TUBB1: variants seen among roughly 807,000 people sequenced by gnomAD.
TUBB1 encodes tubulin beta-1 chain.
TUBB1 carries 28 observed loss-of-function variants against 22.6 expected under a neutral mutation model. The ratio of observed to expected loss-of-function variants is 1.24; its 90% CI spans 0.92 to 1.70. The LOEUF (loss-of-function observed/expected upper bound fraction) is 1.70, where lower values mean the gene tolerates loss of function less well. Ranked by LOEUF, TUBB1 falls within the 40% of genes most tolerant of loss-of-function variation. The probability of loss-of-function intolerance (pLI) is 0.00; values close to 1 mark genes in which losing one functional copy is unlikely to be tolerated. For missense variants in TUBB1, 577 were observed against 605.5 expected, an observed-to-expected ratio of 0.95 and a Z score of 0.49; for synonymous variants, 226 against 238.0, an observed-to-expected ratio of 0.95 and a Z score of 0.46.
Position 59,025,738 on chromosome 20 carries a change from A to G in TUBB1, c.*955A>G, listed in dbSNP as rs2091991096. Reference sequence around the variant, plus strand: ...GCAGGAATTAAGCAGCAATGGCTGCAGTGTCCTTCTCAGTTATGGAGGACA... The same window carrying G: ...GCAGGAATTAAGCAGCAATGGCTGCGGTGTCCTTCTCAGTTATGGAGGACA... On this transcript the variant is annotated 3_prime_UTR_variant, in exon 4 of 4. Coordinates refer to ENST00000217133, the MANE Select transcript of TUBB1 (RefSeq NM_030773.4). 6.6e-6 allele frequency: 1 copy of G among 152,282 alleles called. No homozygotes were observed. The highest frequency in any genetic ancestry group is 2.1e-4 in the South Asian group (1 of 4,838). 9.4% of individuals were successfully genotyped at this position (152,282 alleles called of 1,614,324 possible). A position where few individuals can be genotyped will look rare whatever the true frequency, so the allele number is the denominator to read the frequency against.
chr20:59,018,058 C>T (rs2091951887), upstream of TUBB1, among the ~76,000 whole-genome samples: 2 of 152,250 alleles, frequency 1.3e-5, no homozygotes, highest in South Asian at 4.1e-4. Flanking sequence ...CCTGTACCTG[C>T]CCACCTGCAC....
chr20:59,024,890 T>A lies in TUBB1; in HGVS notation c.*107T>A. 1.0e-6 allele frequency: 1 copy of A among 974,142 alleles called. No individual in the cohort carries two copies. The highest frequency in any genetic ancestry group is 1.3e-5 in the South Asian group (1 of 74,316). The allele number at this position is 974,142 out of a possible 1,614,324, so 60.3% of individuals were successfully genotyped here. A position where few individuals can be genotyped will look rare whatever the true frequency, so the allele number is the denominator to read the frequency against. On this transcript the variant is annotated 3_prime_UTR_variant, in exon 4 of 4. Coordinates refer to ENST00000217133, the MANE Select transcript of TUBB1 (RefSeq NM_030773.4). The surrounding 1 kb of genome is among the most constrained non-coding windows in gnomAD (Gnocchi z 4.9). ...CCACTCTGCACTGCAGCACAGTGAA[T>A]GATATGCACTCACCATTAGCTTCGA...
In TUBB1 at chr20:59,024,477, G is replaced by T; in HGVS notation, c.1050G>T (p.Lys350Asn). 1 of 1,614,176 alleles carries T rather than the reference G, an allele frequency of 6.2e-7. No homozygotes were observed. Among genetic ancestry groups the T allele is most frequent in the South Asian group, 1.1e-5 (1 of 91,080 alleles). Reference protein sequence around the residue: ...CFVEWIPNNVKVAVCDIPPRG... With the variant: ...CFVEWIPNNVNVAVCDIPPRG... ...TGGAGTGGATTCCCAACAACGTCAA[G>T]GTGGCTGTCTGCGACATCCCGCCCC... The change falls in exon 4 of 4, where the codon AAG becomes AAT. Residue 350 changes from lysine to asparagine, a missense_variant. Lys to Asn is a moderately conservative substitution (Grantham distance 94). Coordinates refer to ENST00000217133, the MANE Select transcript of TUBB1 (RefSeq NM_030773.4). This position sits in a 1 kb window ranked among gnomAD's most constrained non-coding sequence, Gnocchi z 4.9.
rs2091995268 is a variant in TUBB1, at chr20:59,026,458, T to C, written c.*1675T>C. The C allele has an allele frequency of 6.6e-6, 1 of 152,242 alleles. No homozygotes were observed. The highest frequency in any genetic ancestry group is 1.5e-5 in the Non-Finnish European group (1 of 68,048). The allele number at this position is 152,242 out of a possible 1,614,324, so 9.4% of individuals were successfully genotyped here. A position where few individuals can be genotyped will look rare whatever the true frequency, so the allele number is the denominator to read the frequency against. On this transcript the variant is annotated 3_prime_UTR_variant, in exon 4 of 4. Coordinates refer to ENST00000217133, the MANE Select transcript of TUBB1 (RefSeq NM_030773.4). Reference sequence around the variant, plus strand: ...TTTACACATGCTTCCTCTGGTGCTTTACTTCCCAAACCTAAAAAAGCAATG... The same window carrying C: ...TTTACACATGCTTCCTCTGGTGCTTCACTTCCCAAACCTAAAAAAGCAATG...
At position 59,023,571 on chromosome 20, in the gene TUBB1, C is replaced by T. The variant is rs376381433; in HGVS notation, c.248C>T (p.Ala83Val). Residue 83 changes from alanine to valine, a missense_variant, in exon 3 of 4, where the codon GCT becomes GTT. Physicochemically the swap from Ala to Val is moderately conservative, Grantham distance 64. Transcript: ENST00000217133. ...MDSIRSSKLG[A>V]LFQPDSFVHG... ...AGCATTCGATCTAGCAAATTAGGAG[C>T]TCTCTTTCAACCCGACAGTTTTGTC... 17 of 1,614,148 alleles carry T rather than the reference C, an allele frequency of 1.1e-5. No homozygotes were observed. The highest frequency in any genetic ancestry group is 7.7e-5 in the South Asian group (7 of 91,078).
intron 1 of TUBB1, among the ~76,000 whole-genome samples, chr20:59,021,948 T>C (rs976090275): frequency 3.3e-5 from 5 of 151,664 alleles, no homozygotes; most frequent in African/African-American, 1.2e-4. Flanking sequence ...TGAGCCAAGA[T>C]TGTGCTACGG....
In TUBB1 at chr20:59,022,967, G is replaced by C. The variant is rs374303737; in HGVS notation, c.166+14G>C. The C allele has an allele frequency of 9.9e-6, 16 of 1,608,948 alleles. No homozygotes were observed. In the African/African-American group the frequency reaches 1.9e-4, roughly 19 times the overall value. On this transcript the variant is annotated intron_variant, in intron 2 of 3. Transcript: ENST00000217133. The stretch of plus-strand genomic sequence containing the variant: ...ACGAAGCCTACGGTAGGACTGGCGG[G>C]GCTCTGGGAGCAGTGGTCCCGCAAC...
chr20:59,022,896 C>G lies in TUBB1; in HGVS notation c.109C>G (p.Arg37Gly), dbSNP rs139603365. The change falls in exon 2 of 4, where the codon CGC (arginine) becomes GGC (glycine). Residue 37 changes from arginine to glycine, a missense_variant. Arg to Gly is a moderately radical substitution (Grantham distance 125). Transcript: ENST00000217133. ...CGGGATCGACTTGGCTGGGAGCGAC[C>G]GCGGGGCCTCGGCCTTGCAGCTGGA... ...EHGIDLAGSD[R>G]GASALQLERI... 5.0e-6 allele frequency: 8 copies of G among 1,613,868 alleles called. No homozygotes were observed. The highest frequency in any genetic ancestry group is 2.2e-5 in the South Asian group (2 of 91,068).
upstream of TUBB1, among the ~76,000 whole-genome samples, chr20:59,017,149 G>T (rs928589667): frequency 2.6e-5 from 4 of 152,174 alleles, no homozygotes; most frequent in Non-Finnish European, 4.4e-5. Flanking sequence ...TGGAAACAAG[G>T]ACTTCCACTT....
intron 3 of TUBB1, 47 bp downstream of exon 3, chr20:59,023,647 A>G (rs781601884): frequency 6.2e-7 from 1 of 1,613,326 alleles, no homozygotes; most frequent in South Asian, 1.1e-5. Context: ...GGGATGCTTT[A>G]CTGGTGCCCT....
rs752263582 is a variant in TUBB1, at chr20:59,024,316, C to T, written c.889C>T (p.Arg297Cys). The change falls in exon 4 of 4, where the codon CGC becomes TGC. Residue 297 changes from arginine (R) to cysteine (C), a missense_variant. Arg to Cys is a radical substitution (Grantham distance 180). Coordinates refer to ENST00000217133, the MANE Select transcript of TUBB1 (RefSeq NM_030773.4). This position sits in a 1 kb window ranked among gnomAD's most constrained non-coding sequence, Gnocchi z 4.9. ...AELTQQMFDA[R>C]NTMAACDLRR... Reference sequence around the variant, plus strand: ...GCTCACCCAGCAGATGTTCGATGCCCGCAATACCATGGCTGCCTGTGACCT... The same window carrying T: ...GCTCACCCAGCAGATGTTCGATGCCTGCAATACCATGGCTGCCTGTGACCT... The T allele has an allele frequency of 1.5e-5, 24 of 1,613,586 alleles. No homozygotes were observed. Among genetic ancestry groups the T allele is most frequent in the South Asian group, 2.2e-5 (2 of 91,080 alleles).
At chr20:59,020,412 G>C (rs1217394096) in intron 1 of TUBB1, among the ~76,000 whole-genome samples, 1 of 152,264 alleles carries the variant, frequency 6.6e-6, no homozygotes, top group Non-Finnish European at 1.5e-5. Flanking sequence ...TCGAACTCCT[G>C]ACCTCAGGTG....
chr20:59,025,063 C>G lies in TUBB1; in HGVS notation c.*280C>G. On this transcript the variant is annotated 3_prime_UTR_variant, in exon 4 of 4. Transcript: ENST00000217133. ...TTATTGTAAAGTGCTCCCTTTGTTT[C>G]AAAGTGTTTGCCAGGCATCCAGACT... The G allele has an allele frequency of 2.2e-6, 1 of 459,716 alleles. No homozygotes were observed. The highest frequency in any genetic ancestry group is 4.0e-6 in the Non-Finnish European group (1 of 249,160). The allele number at this position is 459,716 out of a possible 1,614,324, so 28.5% of individuals were successfully genotyped here.
upstream of TUBB1, among the ~76,000 whole-genome samples, chr20:59,017,630 C>T (rs1023092243): frequency 1.3e-5 from 2 of 152,216 alleles, no homozygotes; most frequent in Non-Finnish European, 2.9e-5. Flanking sequence ...GCACAGGAAG[C>T]ACAGGCCCCT....
chr20:59,020,621 C>T (rs900410502), intron 1 of TUBB1, among the ~76,000 whole-genome samples: 2 of 151,584 alleles, frequency 1.3e-5, no homozygotes, highest in African/African-American at 4.9e-5. Flanking sequence ...TTTATTGTAA[C>T]GCTTAAAAAA....
chr20:59,022,722 AAAAG>A, intron 1 of TUBB1, 119 bp from the exon 2 acceptor site: 2 of 831,738 alleles, frequency 2.4e-6, no homozygotes, highest in South Asian at 2.9e-5. Context: ...AAAAGGCCCT[AAAAG>A]AATGTCTTGG....
In TUBB1 at chr20:59,023,979, C is replaced by G; in HGVS notation, c.552C>G (p.Asn184Lys). ...CGGACACTGTGGTGGAGCCCTACAA[C>G]GCGGTTCTGTCTATCCACCAGCTGA... ...KVSDTVVEPY[N>K]AVLSIHQLIE... The change falls in exon 4 of 4, where the codon AAC (asparagine) becomes AAG (lysine). Residue 184 changes from asparagine to lysine, a missense_variant. Transcript: ENST00000217133. 6.2e-7 allele frequency: 1 copy of G among 1,614,090 alleles called. No homozygotes were observed. Among genetic ancestry groups the G allele is most frequent in the South Asian group, 1.1e-5 (1 of 91,064 alleles).
In TUBB1 at chr20:59,024,505, G is replaced by C; in HGVS notation, c.1078G>C (p.Gly360Arg). 6.2e-7 allele frequency: 1 copy of C among 1,614,170 alleles called. No homozygotes were observed. The highest frequency in any genetic ancestry group is 8.5e-7 in the Non-Finnish European group (1 of 1,180,038). ...GGCTGTCTGCGACATCCCGCCCCGG[G>C]GGCTGAGCATGGCCGCCACCTTCAT... is the stretch of plus-strand genomic sequence containing the variant. ...KVAVCDIPPR[G>R]LSMAATFIGN... The change falls in exon 4 of 4, where the codon GGG (glycine) becomes CGG (arginine). Residue 360 changes from glycine to arginine, a missense_variant. Transcript: ENST00000217133. The surrounding 1 kb of genome is among the most constrained non-coding windows in gnomAD (Gnocchi z 4.9).
chr20:59,020,692 AG>A (rs940091735), intron 1 of TUBB1, among the ~76,000 whole-genome samples: 121 of 152,340 alleles, frequency 7.9e-4, no homozygotes, highest in African/African-American at 2.8e-3. Flanking sequence ...TGAAAATAAA[AG>A]TTTTTTGTGT....
Sources: gnomAD v4.1 joint callset for allele counts (sites outside exome capture counted in the v4.1 genomes callset) on GRCh38, gnomAD v4.1.1 for gene constraint, Gnocchi (gnomAD v3.1) non-coding constraint, MANE v1.5 for transcripts, NCBI Gene and HGNC (gene_info 2026-07-23, HGNC 2026-07-21) for gene names.